The following TIAM2 variants were observed in gnomAD, a reference collection of about 807,000 sequenced individuals.
TIAM2 encodes the protein TIAM Rac1 associated GEF 2.
In TIAM2, 80 loss-of-function variants were observed where a neutral mutation model predicts 152.9. That is an observed-to-expected ratio of 0.52 (90% CI 0.44 to 0.63). TIAM2 has a LOEUF of 0.63. TIAM2 is among the 30% of genes least tolerant of loss of function. The probability of loss-of-function intolerance (pLI) is 0.00; values close to 1 mark genes in which losing one functional copy is unlikely to be tolerated. For synonymous variants in TIAM2, 804 were observed against 838.0 expected (o/e 0.96, Z 0.70); for missense variants, 1,965 against 2,120.1 (o/e 0.93, Z 1.44).
intron 1 of TIAM2, among the ~76,000 whole-genome samples, chr6:155,035,376 C>T (rs1004478694): frequency 6.6e-6 from 1 of 152,076 alleles, no homozygotes; most frequent in Admixed American, 6.6e-5. Flanking sequence ...TGTGTGCCAC[C>T]ATACCGGCTA....
intron 9 of TIAM2, among the ~76,000 whole-genome samples, chr6:155,175,121 G>T (rs1381504449): frequency 6.6e-6 from 1 of 152,160 alleles, no homozygotes; most frequent in Non-Finnish European, 1.5e-5. Flanking sequence ...CTTGCATCTG[G>T]TCCTGTCTTT....
At chr6:155,003,303 C>T (rs1778345494) in intron 1 of TIAM2, among the ~76,000 whole-genome samples, 1 of 152,012 alleles carries the variant, frequency 6.6e-6, no homozygotes, top group East Asian at 1.9e-4. Context: ...ACCTTTTACC[C>T]ATTTGGCAGG....
intron 13 of TIAM2, among the ~76,000 whole-genome samples, 185 bp downstream of exon 13, chr6:155,182,503 G>C (rs1780929247): frequency 6.6e-6 from 1 of 152,180 alleles, no homozygotes; most frequent in Non-Finnish European, 1.5e-5. Context: ...CATAAACCCA[G>C]CTGCTCAGGA....
intron 1 of TIAM2, among the ~76,000 whole-genome samples, chr6:155,061,241 TG>T (rs1777573504): frequency 6.8e-6 from 1 of 147,582 alleles, no homozygotes; most frequent in Admixed American, 6.6e-5. Context: ...ATGTTCATAA[TG>T]ATATCACTGA....
At chr6:155,079,473 C>T (rs1288291441) in intron 1 of TIAM2, among the ~76,000 whole-genome samples, 1 of 152,204 alleles carries the variant, frequency 6.6e-6, no homozygotes, top group Non-Finnish European at 1.5e-5. Flanking sequence ...CTGATTCCTC[C>T]TTGTGTAATT....
rs1201679707 is a variant in TIAM2, at chr6:155,028,486, C to CATATA, written c.-209+32995_-209+32999dup. On this transcript the variant is annotated intron_variant, in intron 1 of 26. Coordinates refer to ENST00000682666, the MANE Select transcript of TIAM2 (RefSeq NM_012454.4). ...TATATATACTGTGTTACATATACTA[C>CATATA]ATATATATACTGTGTTACATATATA... Among the ~76,000 whole-genome samples the CATATA allele has an allele frequency of 5.4e-4, 56 of 103,012 alleles. 4 individuals are homozygous for CATATA. Among genetic ancestry groups the CATATA allele is most frequent in the Middle Eastern group, 0.018 (1 of 56 alleles). The allele number at this position is 103,012 out of a possible 152,430, so 67.6% of individuals were successfully genotyped here. A position where few individuals can be genotyped will look rare whatever the true frequency, so the allele number is the denominator to read the frequency against.
intron 1 of TIAM2, among the ~76,000 whole-genome samples, chr6:155,034,743 C>G (rs1776892003): frequency 6.6e-6 from 1 of 152,128 alleles, no homozygotes; most frequent in Admixed American, 6.5e-5. Flanking sequence ...GGCTAGTTAA[C>G]CTCTTTTTCC....
At chr6:155,082,307 C>T (rs1778079919) in intron 1 of TIAM2, among the ~76,000 whole-genome samples, 1 of 152,108 alleles carries the variant, frequency 6.6e-6, no homozygotes, top group South Asian at 2.1e-4. Context: ...CATGCCACTG[C>T]ACTCCAGCCT....
chr6:155,249,854 C>G lies in TIAM2; in HGVS notation c.3836C>G (p.Ala1279Gly). 6.2e-7 allele frequency: 1 copy of G among 1,609,766 alleles called. No homozygotes were observed. Residue 1279 changes from alanine to glycine, a missense_variant, in exon 21 of 27, where the codon GCA (alanine) becomes GGA (glycine). By Grantham distance (60) the Ala-to-Gly change is moderately conservative. Transcript: ENST00000682666. ...AATATGATTTCATATCTTGCAGAAG[C>G]ACTAAAGGCAATGGAGAAAGTAGCG... ...ESEEHYHLTE[A>G]LKAMEKVASH...
intron 25 of TIAM2, 49 bp from the exon 26 acceptor site, chr6:155,254,370 C>G: frequency 6.3e-7 from 1 of 1,593,238 alleles, no homozygotes; most frequent in Non-Finnish European, 8.6e-7. Context: ...AATGGAAGCA[C>G]GATGAACACT....
chr6:155,025,225 G>T (rs1202818833), intron 1 of TIAM2, among the ~76,000 whole-genome samples: 19 of 143,394 alleles, frequency 1.3e-4, no homozygotes, highest in African/African-American at 4.7e-4. Context: ...ACGGAGTCTC[G>T]CTCTGTTACC....
intron 5 of TIAM2, among the ~76,000 whole-genome samples, chr6:155,140,009 C>G (rs766484931): frequency 6.6e-6 from 1 of 152,142 alleles, no homozygotes; most frequent in Non-Finnish European, 1.5e-5. Context: ...ATTTAATTTG[C>G]AGGCCATGTG....
chr6:155,043,914 C>T (rs1242253827), intron 1 of TIAM2, among the ~76,000 whole-genome samples: 3 of 152,054 alleles, frequency 2.0e-5, no homozygotes, highest in African/African-American at 4.8e-5. Context: ...AAACTTCATC[C>T]GAGAGGCTTC....
intron 2 of TIAM2, among the ~76,000 whole-genome samples, chr6:155,113,604 G>A (rs1778915766): frequency 6.6e-6 from 1 of 152,008 alleles, no homozygotes; most frequent in African/African-American, 2.4e-5. Context: ...GGCTCCTGTA[G>A]TGCCAGCTAC....
chr6:155,103,742 A>AAG (rs1778600820), intron 2 of TIAM2, among the ~76,000 whole-genome samples: 2 of 150,236 alleles, frequency 1.3e-5, no homozygotes, highest in African/African-American at 4.9e-5. Flanking sequence ...AAAAAAAAAA[A>AAG]AAAGGAATTA....
chr6:155,103,177 C>A (rs534832586), intron 2 of TIAM2, among the ~76,000 whole-genome samples: 6 of 152,070 alleles, frequency 3.9e-5, no homozygotes, highest in Non-Finnish European at 7.4e-5. Flanking sequence ...TGACAGTATA[C>A]GACTGTAGTT....
At chr6:155,029,387 A>ATATAATATATAC (rs1776743985) in intron 1 of TIAM2, among the ~76,000 whole-genome samples, 2 of 96,946 alleles carry the variant, frequency 2.1e-5, no homozygotes, top group Non-Finnish European at 4.0e-5. Context: ...ATACTATGTT[A>ATATAATATATAC]TATATATACT....
Position 155,131,163 on chromosome 6 carries a change from C to T in TIAM2, c.1194+746C>T, listed in dbSNP as rs1779436804. ...TCACTTGAGGCCAGGAGTTTGAGAC[C>T]AGCCTGGCCAACATGGTGAAACCCT... On this transcript the variant is annotated intron_variant, in intron 4 of 26. Coordinates refer to ENST00000682666, the MANE Select transcript of TIAM2 (RefSeq NM_012454.4). Among the ~76,000 whole-genome samples the T allele has an allele frequency of 3.3e-5, 5 of 152,280 alleles. No homozygotes were observed. In the East Asian group the frequency reaches 9.7e-4, roughly 29 times the overall value.
rs1783550780 is a variant in TIAM2 at position 155,249,971 on chromosome 6, T to C, written c.3951+2T>C. On this transcript the variant is annotated splice_donor_variant, in intron 21 of 26. Coordinates refer to ENST00000682666, the MANE Select transcript of TIAM2 (RefSeq NM_012454.4). LOFTEE classifies it high-confidence loss of function. ...GAGCAGAGCGGAACAGAGAAGGAGG[T>C]CCGTGAGACATCTGCACCCTGGGAG... is the stretch of plus-strand genomic sequence containing the variant. The C allele has an allele frequency of 2.5e-6, 4 of 1,607,794 alleles. No homozygotes were observed. Among genetic ancestry groups the C allele is most frequent in the Non-Finnish European group, 3.4e-6 (4 of 1,175,624 alleles).
Sources: allele counts gnomAD v4.1 joint callset (sites outside exome capture counted in the v4.1 genomes callset), GRCh38; gene constraint gnomAD v4.1.1; transcripts MANE v1.5; gene names NCBI Gene and HGNC (gene_info 2026-07-23, HGNC 2026-07-21).